Variants in ZPBP observed in about 807,000 individuals in gnomAD.
ZPBP encodes zona pellucida binding protein, also known as zona pellucida-binding protein 1.
A neutral mutation model predicts 44.8 loss-of-function variants in ZPBP; 26 were observed. The ratio of observed to expected loss-of-function variants is 0.58; its 90% CI spans 0.43 to 0.81. ZPBP has a LOEUF of 0.81. ZPBP is among the 30% of genes least tolerant of loss of function. The pLI, the probability that ZPBP is intolerant of heterozygous loss-of-function variation, is 0.00. For synonymous variants in ZPBP, 174 were observed against 153.2 expected, an observed-to-expected ratio of 1.14 and a Z score of -1.00; for missense variants, 409 against 434.0, an observed-to-expected ratio of 0.94 and a Z score of 0.51.
intron 6 of ZPBP, among the ~76,000 whole-genome samples, chr7:50,012,844 A>G (rs1584041583): frequency 6.6e-6 from 1 of 151,882 alleles, no homozygotes; most frequent in Non-Finnish European, 1.5e-5. Flanking sequence ...ATAATGAAGT[A>G]ACACTGTCTC....
chr7:50,002,111 A>AG (rs1798125185), intron 6 of ZPBP, among the ~76,000 whole-genome samples: 1 of 152,132 alleles, frequency 6.6e-6, no homozygotes, highest in African/African-American at 2.4e-5. Flanking sequence ...TAATTTATAA[A>AG]GGAAAGTGGT....
At chr7:49,930,125 G>A (rs936425395) in intron 1 of ZPBP, among the ~76,000 whole-genome samples, 3 of 152,154 alleles carry the variant, frequency 2.0e-5, no homozygotes, top group Non-Finnish European at 4.4e-5. Context: ...AGGCATAAGA[G>A]CACCTGCAAC....
chr7:49,992,557 A>G (rs1185909416), intron 6 of ZPBP, among the ~76,000 whole-genome samples: 1 of 152,112 alleles, frequency 6.6e-6, no homozygotes, highest in Non-Finnish European at 1.5e-5. Flanking sequence ...TGAAAAACAT[A>G]AACAGCTAGA....
intron 1 of ZPBP, among the ~76,000 whole-genome samples, chr7:49,909,710 T>C (rs1230382450): frequency 6.6e-6 from 1 of 152,004 alleles, no homozygotes; most frequent in African/African-American, 2.4e-5. Context: ...GAACTAAAAT[T>C]TGGGAGTCAT....
chr7:50,045,547 T>A (rs1256102488), intron 4 of ZPBP, among the ~76,000 whole-genome samples: 1 of 152,048 alleles, frequency 6.6e-6, no homozygotes, highest in Non-Finnish European at 1.5e-5. Flanking sequence ...CCATTCACAA[T>A]TGCTACAAAG....
At chr7:50,065,392 T>A (rs1449595246) in intron 3 of ZPBP, among the ~76,000 whole-genome samples, 4 of 150,916 alleles carry the variant, frequency 2.7e-5, no homozygotes. Context: ...GGTTTGGATC[T>A]GGTAAGTAGG....
chr7:49,926,272 T>C (rs1046514605), intron 1 of ZPBP, among the ~76,000 whole-genome samples: 1 of 152,200 alleles, frequency 6.6e-6, no homozygotes, highest in African/African-American at 2.4e-5. Flanking sequence ...AATGCTCTGT[T>C]GGGTTATTTT....
At chr7:50,043,876 A>G (rs1800213194) in intron 4 of ZPBP, among the ~76,000 whole-genome samples, 1 of 152,202 alleles carries the variant, frequency 6.6e-6, no homozygotes, top group Non-Finnish European at 1.5e-5. Context: ...CCTTCTCAGC[A>G]CATCAGACTT....
At chr7:49,891,993 T>G (rs549686554) in intron 2 of ZPBP, among the ~76,000 whole-genome samples, 1 of 148,802 alleles carries the variant, frequency 6.7e-6, no homozygotes, top group African/African-American at 2.5e-5. Context: ...CTATAAATTA[T>G]AACCAAAAGA....
chr7:49,923,367 CTT>C (rs1176212685), intron 1 of ZPBP, among the ~76,000 whole-genome samples: 3 of 152,146 alleles, frequency 2.0e-5, no homozygotes, highest in African/African-American at 7.2e-5. Flanking sequence ...GTTTAATATT[CTT>C]ATCTTTGGAT....
rs1176760787 is a variant in ZPBP, at chr7:50,069,749, ACT to A, written c.335-11610_335-11609del. Among the ~76,000 whole-genome samples, 3 of 150,496 alleles carry A rather than the reference ACT, an allele frequency of 2.0e-5. No individual in the cohort carries two copies. The East Asian group carries it at 5.9e-4, about 29-fold the overall frequency. On this transcript the variant is annotated intron_variant, in intron 3 of 7. Coordinates refer to ENST00000046087, the MANE Select transcript of ZPBP (RefSeq NM_007009.3). ...GCAACGCACTTTCACTCTCACTTTC[ACT>A]CTCAGATCCACCAGACGGGGTCCTA...
intron 7 of ZPBP, among the ~76,000 whole-genome samples, chr7:49,956,556 A>T (rs1444610008): frequency 6.6e-6 from 1 of 152,094 alleles, no homozygotes; most frequent in African/African-American, 2.4e-5. Context: ...CTCCCTCCAA[A>T]ATGAAATAAC....
At chr7:50,009,270 G>C in intron 6 of ZPBP, among the ~76,000 whole-genome samples, 1 of 148,162 alleles carries the variant, frequency 6.7e-6, no homozygotes, top group Non-Finnish European at 1.5e-5. Flanking sequence ...GATTGGGTAT[G>C]TTTTGTAAAT....
intron 7 of ZPBP, among the ~76,000 whole-genome samples, chr7:49,982,297 T>TATATAATTATATAATATATAATAC (rs1562821456): frequency 1.4e-4 from 3 of 21,056 alleles, no homozygotes; most frequent in African/African-American, 5.7e-4. Flanking sequence ...ACATAATATA[T>TATATAATTATATAATATATAATAC]ATAATATATA....
intron 1 of ZPBP, among the ~76,000 whole-genome samples, chr7:49,906,929 G>C (rs1793130268): frequency 6.6e-6 from 1 of 151,928 alleles, no homozygotes; most frequent in Non-Finnish European, 1.5e-5. Context: ...TGAAGCAGAT[G>C]ATAAAAAAAA....
chr7:50,020,581 TCTTTATTTAGG>T (rs1186910693), intron 5 of ZPBP, among the ~76,000 whole-genome samples: 1 of 152,078 alleles, frequency 6.6e-6, no homozygotes, highest in African/African-American at 2.4e-5. Flanking sequence ...GCACATCCCC[TCTTTATTTAGG>T]CTAGTTGACT....
rs544613851 is a variant in ZPBP at position 50,006,928 on chromosome 7, T to C, written c.783+11312A>G. Among the ~76,000 whole-genome samples the C allele has an allele frequency of 2.6e-5, 4 of 152,132 alleles. No individual in the cohort carries two copies. In the East Asian group the frequency reaches 7.7e-4, roughly 29 times the overall value. On this transcript the variant is annotated intron_variant, in intron 6 of 7. Transcript: ENST00000046087. ...ATAAACAATTGCACTATGGTCTGAA[T>C]GTGTCCCCCAAAAATTCATATGTTG... is the stretch of plus-strand genomic sequence containing the variant.
chr7:49,997,902 C>CTTTA (rs34980402), intron 6 of ZPBP, among the ~76,000 whole-genome samples: 73,597 of 150,570 alleles, frequency 0.49, 18,555 homozygotes, highest in East Asian at 0.67. Flanking sequence ...AATTAAATGT[C>CTTTA]TTTATTTATT....
chr7:49,980,554 T>C (rs542461284), intron 7 of ZPBP, among the ~76,000 whole-genome samples: 73 of 151,816 alleles, frequency 4.8e-4, no homozygotes, highest in African/African-American at 1.7e-3. Context: ...TCGGGCTGCT[T>C]CCACCCATGG....
Sources: gnomAD v4.1 joint callset for allele counts (sites outside exome capture counted in the v4.1 genomes callset) on GRCh38, gnomAD v4.1.1 for gene constraint, MANE v1.5 for transcripts, NCBI Gene and HGNC (gene_info 2026-07-23, HGNC 2026-07-21) for gene names.